The following CTIF variants were observed in gnomAD, a reference collection of about 807,000 sequenced individuals.
CTIF encodes the protein cap binding complex dependent translation initiation factor, also known as CBP80/20-dependent translation initiation factor.
Under a neutral mutation model 66.0 loss-of-function variants are expected in CTIF, and 21 were observed. That is an observed-to-expected ratio of 0.32 (90% confidence interval 0.23 to 0.46). CTIF has a LOEUF of 0.46. CTIF is among the 20% of genes least tolerant of loss of function. The probability of loss-of-function intolerance (pLI) is 1.00; values close to 1 mark genes in which losing one functional copy is unlikely to be tolerated. For missense variants in CTIF, 739 were observed against 812.7 expected (o/e 0.91, Z 1.10); for synonymous variants, 345 against 326.4 (o/e 1.06, Z -0.62).
At chr18:48,844,295 G>C (rs1398605676) in intron 10 of CTIF, among the ~76,000 whole-genome samples, 1 of 152,226 alleles carries the variant, frequency 6.6e-6, no homozygotes, top group Non-Finnish European at 1.5e-5. Flanking sequence ...CCTGGCTGCA[G>C]GCACTGTGAA....
intron 9 of CTIF, among the ~76,000 whole-genome samples, chr18:48,790,548 G>A (rs181726850): frequency 3.9e-5 from 6 of 152,210 alleles, no homozygotes; most frequent in Non-Finnish European, 5.9e-5. Flanking sequence ...CCGGACACAC[G>A]TACCCCACCA....
intron 5 of CTIF, among the ~76,000 whole-genome samples, chr18:48,666,121 T>C (rs1389854760): frequency 6.6e-6 from 1 of 152,210 alleles, no homozygotes; most frequent in Non-Finnish European, 1.5e-5. Flanking sequence ...TTGTGTTTTT[T>C]TTTCTTTCTT....
Position 48,656,806 on chromosome 18 carries a change from G to C in CTIF, c.253-6946G>C, listed in dbSNP as rs73958903. 8.5e-3 allele frequency among the ~76,000 whole-genome samples: 1,289 copies of C among 152,298 alleles called. 24 individuals are homozygous for C. The highest frequency in any genetic ancestry group is 0.029 in the African/African-American group (1,223 of 41,552). On this transcript the variant is annotated intron_variant, in intron 3 of 11. Transcript: ENST00000256413. ...AGAACCTTGGCATTTCAGCAACCGG[G>C]GGGGCAGGGCCTGGATGCTGTCAGG...
At chr18:48,812,778 A>G (rs1049402704) in intron 9 of CTIF, among the ~76,000 whole-genome samples, 1 of 151,986 alleles carries the variant, frequency 6.6e-6, no homozygotes, top group African/African-American at 2.4e-5. Flanking sequence ...AAATGAAAAA[A>G]GAAAAGAAAA....
At chr18:48,678,461 T>A in intron 6 of CTIF, among the ~76,000 whole-genome samples, 1 of 150,450 alleles carries the variant, frequency 6.6e-6, no homozygotes. Context: ...TAGGCGCCCA[T>A]ACAATAAATG....
At chr18:48,854,322 G>C (rs976638561) in intron 10 of CTIF, among the ~76,000 whole-genome samples, 3 of 152,166 alleles carry the variant, frequency 2.0e-5, no homozygotes, top group African/African-American at 7.2e-5. Flanking sequence ...AGAGAGGATG[G>C]AGAGCCCCAA....
chr18:48,715,421 C>T (rs527491611), intron 7 of CTIF, among the ~76,000 whole-genome samples: 3 of 152,224 alleles, frequency 2.0e-5, no homozygotes, highest in South Asian at 2.1e-4. Flanking sequence ...GAGTGTTCCA[C>T]GCGTTCCTCA....
intron 3 of CTIF, among the ~76,000 whole-genome samples, chr18:48,657,464 C>G (rs1488594144): frequency 6.6e-6 from 1 of 152,174 alleles, no homozygotes; most frequent in Non-Finnish European, 1.5e-5. Context: ...ACCATCCCAG[C>G]TACACTAAAT....
At chr18:48,581,305 G>C (rs892554461) in intron 1 of CTIF, among the ~76,000 whole-genome samples, 2 of 152,074 alleles carry the variant, frequency 1.3e-5, no homozygotes, top group Admixed American at 1.3e-4. Context: ...TCTGCCCTGT[G>C]TCGAAAATTA....
intron 6 of CTIF, among the ~76,000 whole-genome samples, chr18:48,689,042 G>A (rs1469575926): frequency 6.6e-6 from 1 of 152,208 alleles, no homozygotes; most frequent in Non-Finnish European, 1.5e-5. Flanking sequence ...AGAGGTGGGG[G>A]CACAGAGAGG....
At chr18:48,699,535 T>C (rs1334614282) in intron 6 of CTIF, among the ~76,000 whole-genome samples, 1 of 152,038 alleles carries the variant, frequency 6.6e-6, no homozygotes, top group Non-Finnish European at 1.5e-5. Context: ...TAGCAGGTGG[T>C]TAGTTGATTA....
intron 7 of CTIF, among the ~76,000 whole-genome samples, chr18:48,731,324 T>G (rs2092455392): frequency 6.6e-6 from 1 of 151,552 alleles, no homozygotes; most frequent in Non-Finnish European, 1.5e-5. Context: ...TGGGAGGGAG[T>G]AGAGAAGGCT....
intron 7 of CTIF, among the ~76,000 whole-genome samples, chr18:48,746,003 A>T (rs376627707): frequency 1.3e-5 from 2 of 152,218 alleles, no homozygotes; most frequent in African/African-American, 4.8e-5. Context: ...CGAACCTGTC[A>T]GTAATTAAGT....
intron 9 of CTIF, among the ~76,000 whole-genome samples, chr18:48,786,238 G>A (rs1040790014): frequency 6.6e-6 from 1 of 152,172 alleles, no homozygotes. Flanking sequence ...CCTCAGGCCT[G>A]TTTTTCAGCC....
At chr18:48,747,039 C>T (rs1399595929) in intron 7 of CTIF, among the ~76,000 whole-genome samples, 2 of 152,078 alleles carry the variant, frequency 1.3e-5, no homozygotes, top group Non-Finnish European at 2.9e-5. Context: ...TCCCCAAGGG[C>T]GGGAACCATA....
chr18:48,636,803 G>A lies in CTIF; in HGVS notation c.252+118G>A, dbSNP rs1004269523. On this transcript the variant is annotated intron_variant, in intron 3 of 11. Transcript: ENST00000256413. The stretch of plus-strand genomic sequence containing the variant: ...TGACATGGAGAGTGCAGAGAGGTGG[G>A]AGAGGGGAGGGGGCATCTGTTCCCT... The A allele has an allele frequency of 4.6e-6, 3 of 653,050 alleles. No individual in the cohort carries two copies. In the Admixed American group the frequency reaches 1.2e-4, roughly 27 times the overall value. 40.5% of individuals were successfully genotyped at this position (653,050 alleles called of 1,614,324 possible). A position where few individuals can be genotyped will look rare whatever the true frequency, so the allele number is the denominator to read the frequency against.
intron 1 of CTIF, among the ~76,000 whole-genome samples, chr18:48,601,525 T>G (rs2090090615): frequency 6.6e-6 from 1 of 152,238 alleles, no homozygotes; most frequent in Admixed American, 6.5e-5. Context: ...CAGCCTCATC[T>G]GTAAACATGG....
intron 9 of CTIF, among the ~76,000 whole-genome samples, chr18:48,797,497 T>TG (rs1362766693): frequency 2.9e-5 from 4 of 138,532 alleles, no homozygotes; most frequent in Middle Eastern, 3.7e-3. Context: ...AGAAAAGGGG[T>TG]GGGGGGGCAA....
chr18:48,620,984 A>G (rs1338243417), intron 2 of CTIF, among the ~76,000 whole-genome samples: 2 of 152,162 alleles, frequency 1.3e-5, no homozygotes, highest in Non-Finnish European at 2.9e-5. Flanking sequence ...GGAGAAAAAA[A>G]AAAATAGATG....
Sources: gnomAD v4.1 joint callset for allele counts (sites outside exome capture counted in the v4.1 genomes callset) on GRCh38, gnomAD v4.1.1 for gene constraint, MANE v1.5 for transcripts, NCBI Gene and HGNC (gene_info 2026-07-23, HGNC 2026-07-21) for gene names.